GNL3L: variants seen among roughly 807,000 people sequenced by gnomAD.
GNL3L encodes guanine nucleotide-binding protein-like 3-like protein.
GNL3L carries 4 observed loss-of-function variants against 42.9 expected under a neutral mutation model. The ratio of observed to expected loss-of-function variants is 0.09; its 90% CI spans 0.05 to 0.21. The LOEUF (loss-of-function observed/expected upper bound fraction) is 0.21. Ranked by LOEUF, GNL3L falls within the 10% of genes least tolerant of loss-of-function variation. The probability of loss-of-function intolerance (pLI) is 1.00; values close to 1 mark genes in which losing one functional copy is unlikely to be tolerated. For missense variants in GNL3L, 412 were observed against 481.7 expected, an observed-to-expected ratio of 0.86 and a Z score of 1.36; for synonymous variants, 159 against 176.3, an observed-to-expected ratio of 0.90 and a Z score of 0.78.
chrX:54,633,960 C>T, the GNL3L span, among the ~76,000 whole-genome samples: 2 of 112,717 alleles, frequency 1.8e-5, no homozygotes, highest in Non-Finnish European at 1.9e-5. Flanking sequence ...GTGTTTTGGC[C>T]TTCATGATTT....
At chrX:54,549,923 C>T (rs182470559) in intron 9 of GNL3L, among the ~76,000 whole-genome samples, 1 of 110,230 alleles carries the variant, frequency 9.1e-6, no homozygotes, top group East Asian at 2.9e-4. Context: ...GAGACACATA[C>T]AGAGAGGCAT....
At chrX:54,574,233 A>G (rs1288031758) in intron 16 of GNL3L, among the ~76,000 whole-genome samples, 1 of 111,754 alleles carries the variant, frequency 8.9e-6, no homozygotes, top group Non-Finnish European at 1.9e-5. Context: ...GAAAATACCG[A>G]GTCTCTTACT....
At chrX:54,610,132 C>T (rs1358940918) in intron 16 of GNL3L, among the ~76,000 whole-genome samples, 1 of 111,283 alleles carries the variant, frequency 9.0e-6, no homozygotes, top group Non-Finnish European at 1.9e-5. Context: ...GGGTTAAGTT[C>T]TTGATTTGAT....
the GNL3L span, among the ~76,000 whole-genome samples, chrX:54,640,381 G>A: frequency 1.8e-5 from 2 of 112,018 alleles, no homozygotes; most frequent in African/African-American, 6.5e-5. Flanking sequence ...AGAGCTTGAG[G>A]CCATGCAGTT....
rs1924207821 is a variant in GNL3L, at chrX:54,530,357, C to T, written c.-110C>T. 1 of 111,311 alleles carries T rather than the reference C, an allele frequency of 9.0e-6. No individual in the cohort carries two copies. The highest frequency in any genetic ancestry group is 1.9e-5 in the Non-Finnish European group (1 of 52,965). The allele number at this position is 111,311 out of a possible 1,213,427, so 9.2% of individuals were successfully genotyped here. ...CACAATGTGCGCTCACCTAGACGGCCGGGCAGTTAGGATCGTCTATTGGAT... is the reference window on the plus strand; with the variant it reads ...CACAATGTGCGCTCACCTAGACGGCTGGGCAGTTAGGATCGTCTATTGGAT... On this transcript the variant is annotated 5_prime_UTR_variant, in exon 1 of 16. Transcript: ENST00000360845.
chrX:54,550,029 G>A (rs1924886416), intron 9 of GNL3L, among the ~76,000 whole-genome samples: 1 of 110,253 alleles, frequency 9.1e-6, no homozygotes, highest in Non-Finnish European at 1.9e-5. Context: ...GATTGGTGGG[G>A]TGGAGAGAAT....
chrX:54,540,844 A>G (rs936297925), intron 4 of GNL3L, among the ~76,000 whole-genome samples: 1 of 110,604 alleles, frequency 9.0e-6, no homozygotes, highest in African/African-American at 3.3e-5. Context: ...TTTAGTAGAG[A>G]TGGAGTTTCA....
At chrX:54,560,328 T>C (rs1476822731) in intron 15 of GNL3L, among the ~76,000 whole-genome samples, 192 bp from the exon 16 acceptor site, 1 of 111,705 alleles carries the variant, frequency 9.0e-6, no homozygotes, top group Non-Finnish European at 1.9e-5. Flanking sequence ...ATTTCACAGA[T>C]AGAAAAATGG....
intron 8 of GNL3L, among the ~76,000 whole-genome samples, chrX:54,546,098 TGAC>T (rs1924767481): frequency 8.9e-6 from 1 of 112,564 alleles, no homozygotes; most frequent in South Asian, 3.6e-4. Flanking sequence ...TGGCCTCAAG[TGAC>T]CCTCCCATCT....
chrX:54,573,764 T>C (rs1925594440), intron 16 of GNL3L, among the ~76,000 whole-genome samples: 1 of 111,169 alleles, frequency 9.0e-6, no homozygotes. Context: ...AGATAACAAA[T>C]GTTTAATGTA....
chrX:54,566,654 G>A lies in GNL3L; in HGVS notation c.*6052G>A, dbSNP rs1469777398. On this transcript the variant is annotated 3_prime_UTR_variant, in exon 16 of 16. Transcript: ENST00000360845. ...CAGAATTTCTTTTCTTTTTAATGCT[G>A]AGTATTATTCTATTGTGTGTATATA... Among the ~76,000 whole-genome samples, 1 of 112,274 alleles carries A rather than the reference G, an allele frequency of 8.9e-6. No individual in the cohort carries two copies. The highest frequency in any genetic ancestry group is 9.5e-5 in the Admixed American group (1 of 10,576).
intron 16 of GNL3L, among the ~76,000 whole-genome samples, chrX:54,587,364 T>C (rs911300925): frequency 4.4e-5 from 5 of 112,724 alleles, no homozygotes; most frequent in Non-Finnish European, 7.5e-5. Flanking sequence ...ATTTTCCTCC[T>C]ATTTATTGTG....
rs1172947254 is a variant in GNL3L at position 54,607,082 on chromosome X, CTTCTT to C, written c.*46-13761_*46-13757del. 6.6e-3 allele frequency among the ~76,000 whole-genome samples: 144 copies of C among 21,982 alleles called. 5 individuals carry two copies. Among genetic ancestry groups the C allele is most frequent in the East Asian group, 0.017 (11 of 648 alleles). 19.1% of individuals were successfully genotyped at this position (21,982 alleles called of 115,157 possible). ...TTTCTTTCTTTCTTTCTCTTTCTTTCTTCTTTCTTTCTTTCTTTCTTTCTTTCTTT... is the reference window on the plus strand; with the variant it reads ...TTTCTTTCTTTCTTTCTCTTTCTTTCTCTTTCTTTCTTTCTTTCTTTCTTT... On this transcript the variant is annotated intron_variant, in intron 16 of 16. Coordinates refer to the GNL3L transcript ENST00000674498.
intron 16 of GNL3L, among the ~76,000 whole-genome samples, chrX:54,601,290 C>T (rs909746641): frequency 9.0e-6 from 1 of 111,644 alleles, no homozygotes; most frequent in African/African-American, 3.3e-5. Flanking sequence ...ATGGTGGTTG[C>T]ACAATCCTGG....
chrX:54,587,438 TTG>T (rs1925798919), intron 16 of GNL3L, among the ~76,000 whole-genome samples: 2 of 111,436 alleles, frequency 1.8e-5, no homozygotes, highest in Non-Finnish European at 3.8e-5. Context: ...AGCTCCAGTG[TTG>T]TGTTTTGGGT....
chrX:54,607,435 T>G (rs1333693327), intron 16 of GNL3L, among the ~76,000 whole-genome samples: 3 of 106,948 alleles, frequency 2.8e-5, no homozygotes, highest in Non-Finnish European at 3.8e-5. Flanking sequence ...ATTTTAAGTA[T>G]TATTTCTGAC....
intron 16 of GNL3L, among the ~76,000 whole-genome samples, chrX:54,600,039 TTAGA>T (rs766049101): frequency 5.5e-5 from 6 of 109,705 alleles, no homozygotes; most frequent in South Asian, 3.9e-4. Flanking sequence ...ATTTAAAATC[TTAGA>T]TAGTTAAAAA....
At chrX:54,636,453 G>A in the GNL3L span, among the ~76,000 whole-genome samples, 1 of 111,551 alleles carries the variant, frequency 9.0e-6, no homozygotes, top group African/African-American at 3.3e-5. Context: ...CTGAAGTTTG[G>A]TGTACAAATG....
chrX:54,584,494 C>T (rs1237628927), intron 16 of GNL3L, among the ~76,000 whole-genome samples: 1 of 111,444 alleles, frequency 9.0e-6, no homozygotes, highest in African/African-American at 3.3e-5. Flanking sequence ...AGGAACATTC[C>T]AATTATGATC....
Sources: gnomAD v4.1 joint callset for allele counts (sites outside exome capture counted in the v4.1 genomes callset) on GRCh38, gnomAD v4.1.1 for gene constraint, MANE v1.5 for transcripts, NCBI Gene and HGNC (gene_info 2026-07-23, HGNC 2026-07-21) for gene names.